The following FREM1 variants were observed in gnomAD, a reference collection of about 807,000 sequenced individuals.
The protein encoded by FREM1 is FRAS1 related extracellular matrix 1, also known as FRAS1-related extracellular matrix protein 1.
A neutral mutation model predicts 210.1 loss-of-function variants in FREM1; 220 were observed. The observed-to-expected ratio is 1.05, with a 90% CI of 0.94 to 1.17. The LOEUF is 1.17. Ranked by LOEUF, FREM1 falls within the 50% of genes most tolerant of loss-of-function variation. FREM1 has a pLI of 0.00. For missense variants in FREM1, 3,454 were observed against 2,675.5 expected (o/e 1.29, Z -6.42); for synonymous variants, 1,189 against 980.2 (o/e 1.21, Z -3.98).
At chr9:14,755,144 C>T (rs1844085689) in intron 29 of FREM1, among the ~76,000 whole-genome samples, 1 of 152,144 alleles carries the variant, frequency 6.6e-6, no homozygotes, top group South Asian at 2.1e-4. Context: ...CTCTAGCCTC[C>T]AGAACTGAGA....
intron 23 of FREM1, among the ~76,000 whole-genome samples, chr9:14,788,087 T>G (rs1024861552): frequency 2.0e-5 from 3 of 152,188 alleles, no homozygotes; most frequent in Admixed American, 2.0e-4. Flanking sequence ...CTGAGCTTCC[T>G]GGCAGCCAAG....
At chr9:14,817,152 G>T (rs1016051014) in intron 14 of FREM1, among the ~76,000 whole-genome samples, 1 of 152,198 alleles carries the variant, frequency 6.6e-6, no homozygotes, top group Non-Finnish European at 1.5e-5. Context: ...TGTGACAACA[G>T]GAACCATTTG....
At chr9:14,812,744 C>A (rs895391109) in intron 16 of FREM1, 68 bp downstream of exon 16, 2 of 1,460,156 alleles carry the variant, frequency 1.4e-6, no homozygotes, top group Non-Finnish European at 9.3e-7. Flanking sequence ...ATTATGGGAG[C>A]CCACACTGAG....
At position 14,819,360 on chromosome 9, in the gene FREM1, G is replaced by C. The variant is rs768631811; in HGVS notation, c.2420C>G (p.Thr807Ser). ...GGAGAGGTCAATATTGTCCAGCTTG[G>C]TATCTGCATCAGAAATTAGAATGTG... is the stretch of plus-strand genomic sequence containing the variant. ...TEHILISDAD[T>S]KLDNIDLSLR... Residue 807 changes from threonine (T) to serine (S), a missense_variant, in exon 14 of 37, where the codon ACC becomes AGC. Transcript: ENST00000380880. 3.6e-5 allele frequency: 58 copies of C among 1,613,354 alleles called. No homozygotes were observed. The highest frequency in any genetic ancestry group is 3.3e-4 in the Middle Eastern group (2 of 6,084).
intron 25 of FREM1, among the ~76,000 whole-genome samples, chr9:14,773,772 G>C (rs1306325930): frequency 2.0e-5 from 3 of 152,088 alleles, no homozygotes; most frequent in African/African-American, 7.2e-5. Flanking sequence ...GGAAAGACCT[G>C]ATTCAAGTTC....
chr9:14,775,109 C>T (rs1848322601), intron 25 of FREM1, among the ~76,000 whole-genome samples: 2 of 152,126 alleles, frequency 1.3e-5, no homozygotes, highest in Admixed American at 6.5e-5. Context: ...GCTTTGGATA[C>T]CTAATCCTAC....
chr9:14,775,500 G>A (rs1848389266), intron 25 of FREM1, among the ~76,000 whole-genome samples: 1 of 152,018 alleles, frequency 6.6e-6, no homozygotes, highest in Non-Finnish European at 1.5e-5. Context: ...GAAGTCAGGA[G>A]TTCGCCACCA....
intron 4 of FREM1, 91 bp from the exon 5 acceptor site, chr9:14,857,840 C>T: frequency 8.3e-6 from 7 of 841,174 alleles, no homozygotes; most frequent in Non-Finnish European, 1.3e-5. Flanking sequence ...AATACTTATT[C>T]CCTCTCACTG....
chr9:14,806,115 G>A (rs1216129036), intron 18 of FREM1, among the ~76,000 whole-genome samples: 1 of 152,124 alleles, frequency 6.6e-6, no homozygotes, highest in Non-Finnish European at 1.5e-5. Flanking sequence ...TTTTCCATAA[G>A]TAAAATTCCA....
At chr9:14,811,525 A>C (rs1391972901) in intron 16 of FREM1, among the ~76,000 whole-genome samples, 1 of 152,186 alleles carries the variant, frequency 6.6e-6, no homozygotes, top group African/African-American at 2.4e-5. Flanking sequence ...GAGGGACATC[A>C]AACATACGAA....
intron 24 of FREM1, chr9:14,782,326 A>G (rs1009564702): frequency 3.4e-5 from 33 of 976,448 alleles, no homozygotes; most frequent in Non-Finnish European, 3.9e-5. Context: ...CAATCGTTTC[A>G]TACGGAGGTT....
chr9:14,764,284 C>G (rs144960301), intron 27 of FREM1, among the ~76,000 whole-genome samples: 201 of 152,260 alleles, frequency 1.3e-3, no homozygotes, highest in African/African-American at 4.6e-3. Flanking sequence ...TTATAAATTA[C>G]CCAGTCTCAG....
chr9:14,783,307 C>T (rs1475156285), intron 24 of FREM1, among the ~76,000 whole-genome samples: 1 of 152,126 alleles, frequency 6.6e-6, no homozygotes, highest in East Asian at 1.9e-4. Context: ...CAGTGATATT[C>T]GAACATGGGT....
At chr9:14,896,078 AC>A (rs1837662332) in intron 1 of FREM1, among the ~76,000 whole-genome samples, 1 of 152,158 alleles carries the variant, frequency 6.6e-6, no homozygotes, top group South Asian at 2.1e-4. Flanking sequence ...GGTCATAAAG[AC>A]CTTGCTGATG....
intron 5 of FREM1, among the ~76,000 whole-genome samples, chr9:14,853,876 C>G (rs1273383281): frequency 1.3e-5 from 2 of 152,162 alleles, no homozygotes; most frequent in African/African-American, 2.4e-5. Context: ...AGGACTGGTG[C>G]TTAATGCTAA....
At chr9:14,842,702 T>C (rs1466384370) in intron 8 of FREM1, 42 bp from the exon 9 acceptor site, 15 of 1,433,936 alleles carry the variant, frequency 1.0e-5, no homozygotes, top group Non-Finnish European at 1.5e-5. Flanking sequence ...AGCAAGGGAG[T>C]GCAGAAGCAG....
At chr9:14,845,593 C>T (rs949151587) in intron 8 of FREM1, among the ~76,000 whole-genome samples, 2 of 152,234 alleles carry the variant, frequency 1.3e-5, no homozygotes, top group Non-Finnish European at 2.9e-5. Context: ...GCGTGAGCCA[C>T]TGCGCTCGGC....
chr9:14,805,114 T>C lies in FREM1; in HGVS notation c.3313A>G (p.Asn1105Asp), dbSNP rs769443084. 3 of 1,597,828 alleles carry C rather than the reference T, an allele frequency of 1.9e-6. No homozygotes were observed. Among genetic ancestry groups the C allele is most frequent in the South Asian group, 2.3e-5 (2 of 88,056 alleles). Reference protein sequence around the residue: ...QWKDMNAFHINYVQSRHLRIE... With the variant: ...QWKDMNAFHIDYVQSRHLRIE... ...CTCAGATGCCTGGACTGCACATAGT[T>C]AATGTGAAAAGCGTTCATGTCTTTC... Residue 1105 changes from asparagine (N) to aspartate (D), a missense_variant, in exon 19 of 37, where the codon AAC (asparagine) becomes GAC (aspartate). Physicochemically the swap from Asn to Asp is conservative, Grantham distance 23. Coordinates refer to ENST00000380880, the MANE Select transcript of FREM1 (RefSeq NM_001379081.2).
At chr9:14,752,845 C>A (rs1484486638) in intron 29 of FREM1, among the ~76,000 whole-genome samples, 1 of 151,606 alleles carries the variant, frequency 6.6e-6, no homozygotes, top group Non-Finnish European at 1.5e-5. Context: ...AATTATAGTA[C>A]CCCCCAAACA....
Sources: gnomAD v4.1 joint callset for allele counts (sites outside exome capture counted in the v4.1 genomes callset) on GRCh38, gnomAD v4.1.1 for gene constraint, MANE v1.5 for transcripts, NCBI Gene and HGNC (gene_info 2026-07-23, HGNC 2026-07-21) for gene names.